The following KDM4C variants were observed in gnomAD, a reference collection of about 807,000 sequenced individuals.
KDM4C encodes the protein lysine-specific demethylase 4C.
KDM4C carries 81 observed loss-of-function variants against 129.3 expected under a neutral mutation model. The ratio of observed to expected loss-of-function variants is 0.63; its 90% CI spans 0.52 to 0.75. The LOEUF is 0.75. Ranked by LOEUF, KDM4C falls within the 30% of genes least tolerant of loss-of-function variation. The pLI is 0.00. For synonymous variants in KDM4C, 573 were observed against 456.1 expected, an observed-to-expected ratio of 1.26 and a Z score of -3.26; for missense variants, 1,457 against 1,304.0, an observed-to-expected ratio of 1.12 and a Z score of -1.81.
At chr9:7,075,832 G>A (rs989330453) in intron 17 of KDM4C, among the ~76,000 whole-genome samples, 2 of 150,898 alleles carry the variant, frequency 1.3e-5, no homozygotes, top group African/African-American at 2.4e-5. Context: ...CTTTTTTTGA[G>A]ACAGAGTTTC....
intron 12 of KDM4C, among the ~76,000 whole-genome samples, chr9:6,994,520 T>A (rs1473913036): frequency 6.6e-6 from 1 of 152,188 alleles, no homozygotes; most frequent in African/African-American, 2.4e-5. Flanking sequence ...CGTGTATCTG[T>A]CTCCCCACTC....
intron 12 of KDM4C, among the ~76,000 whole-genome samples, chr9:7,002,521 C>T (rs768632498): frequency 1.2e-4 from 18 of 152,132 alleles, no homozygotes; most frequent in Middle Eastern, 6.3e-3. Context: ...TCATGTGGCT[C>T]TTTCTCCTTT....
At chr9:6,867,017 A>ATATTTTTTTTTTTTTT (rs1265774550) in intron 5 of KDM4C, among the ~76,000 whole-genome samples, 1 of 83,784 alleles carries the variant, frequency 1.2e-5, no homozygotes, top group African/African-American at 4.5e-5. Flanking sequence ...ATATATATAT[A>ATATTTTTTTTTTTTTT]TTTTTTTTTT....
At chr9:6,882,391 A>G (rs111708620) in intron 6 of KDM4C, among the ~76,000 whole-genome samples, 576 of 152,338 alleles carry the variant, frequency 3.8e-3, no homozygotes, top group Non-Finnish European at 7.3e-3. Context: ...AAAAGATAAT[A>G]TTGCTGTTAT....
At chr9:7,027,573 C>A (rs1323488040) in intron 15 of KDM4C, among the ~76,000 whole-genome samples, 1 of 152,176 alleles carries the variant, frequency 6.6e-6, no homozygotes, top group African/African-American at 2.4e-5. Context: ...AACGCTGGCC[C>A]ACTGTAACCA....
At chr9:6,889,211 T>TTGTGTATGTGTGTGTGTG (rs1845740628) in intron 7 of KDM4C, among the ~76,000 whole-genome samples, 1 of 61,552 alleles carries the variant, frequency 1.6e-5, no homozygotes, top group African/African-American at 6.7e-5. Flanking sequence ...GGCCTTCTTT[T>TTGTGTATGTGTGTGTGTG]TGTGTGTGTG....
At chr9:7,029,293 G>GTTTTT (rs59185392) in intron 15 of KDM4C, among the ~76,000 whole-genome samples, 1 of 141,604 alleles carries the variant, frequency 7.1e-6, no homozygotes, top group Non-Finnish European at 1.6e-5. Context: ...TCCCCCCACC[G>GTTTTT]TTTTTTTTTT....
intron 18 of KDM4C, among the ~76,000 whole-genome samples, chr9:7,120,159 A>AT (rs113215491): frequency 0.44 from 66,060 of 148,966 alleles, 14,806 homozygotes; most frequent in East Asian, 0.75. Flanking sequence ...AGGAATGATG[A>AT]TTTTTTTTTT....
intron 1 of KDM4C, among the ~76,000 whole-genome samples, chr9:6,790,699 C>T (rs1207912872): frequency 7.2e-6 from 1 of 138,738 alleles, no homozygotes; most frequent in East Asian, 2.2e-4. Flanking sequence ...AACTTTTTTC[C>T]AGGAGGATTT....
intron 19 of KDM4C, among the ~76,000 whole-genome samples, chr9:7,155,607 G>A (rs1019057423): frequency 6.6e-6 from 1 of 152,086 alleles, no homozygotes; most frequent in Non-Finnish European, 1.5e-5. Flanking sequence ...AACATGCAGT[G>A]TTTGGGTTTC....
intron 15 of KDM4C, among the ~76,000 whole-genome samples, 198 bp downstream of exon 15, chr9:7,016,127 A>C (rs932243134): frequency 2.1e-4 from 31 of 146,748 alleles, no homozygotes; most frequent in African/African-American, 6.8e-4. Context: ...AGGTAAATTT[A>C]TTTTCTTTTT....
chr9:7,056,590 T>G (rs933788819), intron 17 of KDM4C, among the ~76,000 whole-genome samples: 18 of 152,224 alleles, frequency 1.2e-4, no homozygotes, highest in African/African-American at 4.3e-4. Flanking sequence ...CTTGTTACTA[T>G]GGATTTTTCT....
Position 6,893,248 on chromosome 9 carries a change from A to C in KDM4C, c.921+16A>C. On this transcript the variant is annotated intron_variant, in intron 8 of 21. Transcript: ENST00000381309. The stretch of plus-strand genomic sequence containing the variant: ...TGCCAAATTGGTAAGCTATGCCTCA[A>C]AAATAAAGCAAAAATTAAATGTGTA... The C allele has an allele frequency of 6.3e-7, 1 of 1,594,004 alleles. No homozygotes were observed. Among genetic ancestry groups the C allele is most frequent in the Non-Finnish European group, 8.5e-7 (1 of 1,170,730 alleles).
chr9:6,977,036 C>A (rs1833038533), intron 8 of KDM4C, among the ~76,000 whole-genome samples: 1 of 151,998 alleles, frequency 6.6e-6, no homozygotes, highest in African/African-American at 2.4e-5. Flanking sequence ...TTGGTAGAAA[C>A]GGGGTTTTGA....
In KDM4C at chr9:6,832,208, T is replaced by C. The variant is rs911974555; in HGVS notation, c.436-17299T>C. ...ACAAAAAATTAGCCGGGCGTGGTGG[T>C]GGGAGCCTGTAGTCCCAGCTACTCG... On this transcript the variant is annotated intron_variant, in intron 4 of 21. Transcript: ENST00000381309. Among the ~76,000 whole-genome samples, 4 of 150,604 alleles carry C rather than the reference T, an allele frequency of 2.7e-5. No homozygotes were observed. In the South Asian group the frequency reaches 8.5e-4, roughly 32 times the overall value.
At chr9:6,852,131 G>A (rs1046272512) in intron 5 of KDM4C, among the ~76,000 whole-genome samples, 2 of 152,120 alleles carry the variant, frequency 1.3e-5, no homozygotes, top group Non-Finnish European at 2.9e-5. Context: ...ATATTTTCTA[G>A]TAGATGTATG....
intron 15 of KDM4C, among the ~76,000 whole-genome samples, chr9:7,032,718 A>G (rs997480550): frequency 6.6e-6 from 1 of 152,196 alleles, no homozygotes; most frequent in South Asian, 2.1e-4. Context: ...AGACCATCTC[A>G]TTCCCAGGCC....
chr9:7,076,734 A>G lies in KDM4C; in HGVS notation c.2425-26951A>G. 1.7e-6 allele frequency: 2 copies of G among 1,189,860 alleles called. 1 individual carries two copies. Among genetic ancestry groups the G allele is most frequent in the East Asian group, 7.7e-5 (2 of 25,850 alleles). The allele number at this position is 1,189,860 out of a possible 1,614,324, so 73.7% of individuals were successfully genotyped here. A position where few individuals can be genotyped will look rare whatever the true frequency, so the allele number is the denominator to read the frequency against. On this transcript the variant is annotated intron_variant, in intron 17 of 21. Transcript: ENST00000381309. ...TTTGTTGACTTCCTATGTGGGGTAA[A>G]ATGACTTCCTTTGATTAATGTACTT...
At chr9:6,874,688 A>T (rs10975869) in intron 5 of KDM4C, among the ~76,000 whole-genome samples, 1 of 152,156 alleles carries the variant, frequency 6.6e-6, no homozygotes, top group East Asian at 1.9e-4. Flanking sequence ...TCTTGAGCAC[A>T]TGTTGTCTGT....
Sources: allele counts gnomAD v4.1 joint callset (sites outside exome capture counted in the v4.1 genomes callset), GRCh38; gene constraint gnomAD v4.1.1; transcripts MANE v1.5; gene names NCBI Gene and HGNC (gene_info 2026-07-23, HGNC 2026-07-21).